ZC3H14: variants seen among roughly 807,000 people sequenced by gnomAD.
The protein encoded by ZC3H14 is zinc finger CCCH-type containing 14, also known as zinc finger CCCH domain-containing protein 14.
In ZC3H14, 31 loss-of-function variants were observed where a neutral mutation model predicts 92.4. The ratio of observed to expected loss-of-function variants is 0.34; its 90% CI spans 0.25 to 0.45. The LOEUF is 0.45. Among genes scored for constraint, ZC3H14 ranks in the 20% least tolerant of loss-of-function variants. The pLI is 1.00. For missense variants in ZC3H14, 781 were observed against 897.3 expected, an observed-to-expected ratio of 0.87 and a Z score of 1.66; for synonymous variants, 321 against 300.9, an observed-to-expected ratio of 1.07 and a Z score of -0.69.
chr14:88,620,996 TTTC>T lies in ZC3H14; in HGVS notation c.*9246_*9248del. The T allele has an allele frequency of 6.8e-7, 1 of 1,470,366 alleles. No homozygotes were observed. Among genetic ancestry groups the T allele is most frequent in the Non-Finnish European group, 9.0e-7 (1 of 1,112,438 alleles). 91.1% of individuals were successfully genotyped at this position (1,470,366 alleles called of 1,614,324 possible). On this transcript the variant is annotated 3_prime_UTR_variant, in exon 17 of 17. Transcript: ENST00000251038. This position sits in a 1 kb window ranked among gnomAD's most constrained non-coding sequence, Gnocchi z 4.3. The stretch of plus-strand genomic sequence containing the variant: ...GTGAAGTACTTCTAAATTATACCAG[TTTC>T]CCCTCAAAATGCTCAACAGAATTCT...
chr14:88,602,725 C>T (rs1242102136), intron 11 of ZC3H14, 103 bp from the exon 12 acceptor site: 15 of 1,264,666 alleles, frequency 1.2e-5, no homozygotes, highest in Middle Eastern at 2.5e-4. Context: ...TTGAACCAAA[C>T]GCAAAGCCAA....
Position 88,620,910 on chromosome 14 carries a change from A to C in ZC3H14, c.*9159A>C, listed in dbSNP as rs1595207591. The C allele has an allele frequency of 1.3e-6, 2 of 1,507,322 alleles. No homozygotes were observed. The highest frequency in any genetic ancestry group is 1.8e-6 in the Non-Finnish European group (2 of 1,135,272). 93.4% of individuals were successfully genotyped at this position (1,507,322 alleles called of 1,614,324 possible). A position where few individuals can be genotyped will look rare whatever the true frequency, so the allele number is the denominator to read the frequency against. ...AGTACGAGCAGCATGTCCCAAATTC[A>C]CTTTGTTTAACATCTTCTGCATTTA... On this transcript the variant is annotated 3_prime_UTR_variant, in exon 17 of 17. Coordinates refer to ENST00000251038, the MANE Select transcript of ZC3H14 (RefSeq NM_024824.5). This position sits in a 1 kb window ranked among gnomAD's most constrained non-coding sequence, Gnocchi z 4.3.
intron 2 of ZC3H14, among the ~76,000 whole-genome samples, chr14:88,564,947 C>T (rs768978961): frequency 6.6e-6 from 1 of 152,126 alleles, no homozygotes; most frequent in Non-Finnish European, 1.5e-5. Context: ...TGGTTACATA[C>T]ACTAGGATAT....
chr14:88,575,519 T>A (rs1283071898), intron 7 of ZC3H14, among the ~76,000 whole-genome samples: 2 of 152,002 alleles, frequency 1.3e-5, no homozygotes, highest in African/African-American at 4.8e-5. Context: ...GTAATGAGTC[T>A]TTGTCTCTTA....
intron 9 of ZC3H14, among the ~76,000 whole-genome samples, chr14:88,584,630 A>G (rs993711848): frequency 6.6e-6 from 1 of 152,180 alleles, no homozygotes; most frequent in Non-Finnish European, 1.5e-5. Flanking sequence ...AGGTGTTTTG[A>G]GTGTCCACTT....
At chr14:88,597,956 C>T (rs2084072456) in intron 10 of ZC3H14, among the ~76,000 whole-genome samples, 1 of 151,998 alleles carries the variant, frequency 6.6e-6, no homozygotes, top group South Asian at 2.1e-4. Flanking sequence ...TTCTAAGATC[C>T]CTTTGTTTCT....
rs1175205995 is a variant in ZC3H14 at position 88,623,069 on chromosome 14, G to A, written c.*11318G>A. The A allele has an allele frequency of 1.9e-5, 3 of 153,964 alleles. No homozygotes were observed. Among genetic ancestry groups the A allele is most frequent in the Non-Finnish European group, 2.8e-5 (2 of 72,142 alleles). The allele number at this position is 153,964 out of a possible 1,614,324, so 9.5% of individuals were successfully genotyped here. A position where few individuals can be genotyped will look rare whatever the true frequency, so the allele number is the denominator to read the frequency against. Reference sequence around the variant, plus strand: ...CTCGCTCTGTCTCCCAGGCTTGAGTGCAGTGGCATGATCTAGGCTTATTGC... The same window carrying A: ...CTCGCTCTGTCTCCCAGGCTTGAGTACAGTGGCATGATCTAGGCTTATTGC... On this transcript the variant is annotated 3_prime_UTR_variant, in exon 17 of 17. Coordinates refer to ENST00000251038, the MANE Select transcript of ZC3H14 (RefSeq NM_024824.5).
At chr14:88,565,181 G>T (rs925834774) in intron 2 of ZC3H14, among the ~76,000 whole-genome samples, 13 of 152,174 alleles carry the variant, frequency 8.5e-5, no homozygotes, top group Middle Eastern at 3.4e-3. Flanking sequence ...TTCACTCGTT[G>T]CCCAGGCTGG....
chr14:88,617,078 T>A lies in ZC3H14; in HGVS notation c.*5327T>A. 1 of 460,072 alleles carries A rather than the reference T, an allele frequency of 2.2e-6. No individual in the cohort carries two copies. Among genetic ancestry groups the A allele is most frequent in the Non-Finnish European group, 3.9e-6 (1 of 259,214 alleles). The allele number at this position is 460,072 out of a possible 1,614,324, so 28.5% of individuals were successfully genotyped here. A position where few individuals can be genotyped will look rare whatever the true frequency, so the allele number is the denominator to read the frequency against. ...GCCTTTTAAAAATGACATTTTATAA[T>A]TTGAAGGGTTTCTAGATTAATCTTT... is the stretch of plus-strand genomic sequence containing the variant. On this transcript the variant is annotated 3_prime_UTR_variant, in exon 17 of 17. Coordinates refer to ENST00000251038, the MANE Select transcript of ZC3H14 (RefSeq NM_024824.5).
chr14:88,621,608 G>A lies in ZC3H14; in HGVS notation c.*9857G>A. 1 of 409,186 alleles carries A rather than the reference G, an allele frequency of 2.4e-6. No homozygotes were observed. The highest frequency in any genetic ancestry group is 4.4e-6 in the Non-Finnish European group (1 of 225,922). 25.3% of individuals were successfully genotyped at this position (409,186 alleles called of 1,614,324 possible). A position where few individuals can be genotyped will look rare whatever the true frequency, so the allele number is the denominator to read the frequency against. On this transcript the variant is annotated 3_prime_UTR_variant, in exon 17 of 17. Coordinates refer to ENST00000251038, the MANE Select transcript of ZC3H14 (RefSeq NM_024824.5). ...ATAATCTTAGGATTTCCAAACTGGG[G>A]TCAGTGCAGTGGGATATAGGAAAAA...
At position 88,605,348 on chromosome 14, in the gene ZC3H14, T is replaced by G. The variant is rs2085225717; in HGVS notation, c.1748-1895T>G. Among the ~76,000 whole-genome samples the G allele has an allele frequency of 2.0e-5, 3 of 152,208 alleles. No homozygotes were observed. The South Asian group carries it at 6.2e-4, about 32-fold the overall frequency. On this transcript the variant is annotated intron_variant, in intron 12 of 16. Coordinates refer to ENST00000251038, the MANE Select transcript of ZC3H14 (RefSeq NM_024824.5). The stretch of plus-strand genomic sequence containing the variant: ...TAAAATGACTTATACTGTTTTGTTT[T>G]TAGAAAGGGTATCCCTCCTGTTGCC...
intron 2 of ZC3H14, among the ~76,000 whole-genome samples, chr14:88,565,438 G>T (rs1251673698): frequency 2.0e-5 from 3 of 152,120 alleles, no homozygotes; most frequent in African/African-American, 7.2e-5. Context: ...ACTGCATCCG[G>T]CCAACTCAAT....
chr14:88,615,672 A>C lies in ZC3H14; in HGVS notation c.*3921A>C. On this transcript the variant is annotated 3_prime_UTR_variant, in exon 17 of 17. Transcript: ENST00000251038. ...ATATAGCAAATATTTTGAACAGATC[A>C]GTCTTTCACTATTTTGATGATTCTG... The C allele has an allele frequency of 1.4e-6, 1 of 694,880 alleles. No homozygotes were observed. The highest frequency in any genetic ancestry group is 2.4e-6 in the Non-Finnish European group (1 of 414,328). 43.0% of individuals were successfully genotyped at this position (694,880 alleles called of 1,614,324 possible).
chr14:88,603,010 T>C lies in ZC3H14; in HGVS notation c.1697T>C (p.Leu566Ser). 6.2e-7 allele frequency: 1 copy of C among 1,614,212 alleles called. No individual in the cohort carries two copies. Among genetic ancestry groups the C allele is most frequent in the Non-Finnish European group, 8.5e-7 (1 of 1,180,042 alleles). ...GLRGLLHPQQ[L>S]HLLSRQLEDP... ...AGAGGTCTCCTCCACCCACAGCAGT[T>C]GCACTTGCTGAGCAGGCAGCTTGAG... is the stretch of plus-strand genomic sequence containing the variant. The change falls in exon 12 of 17, where the codon TTG becomes TCG. Residue 566 changes from leucine (L) to serine (S), a missense_variant. Physicochemically the swap from Leu to Ser is moderately radical, Grantham distance 145 (BLOSUM62 -2). This residue lies in a region of ZC3H14 where 221 missense variants were observed against 304.7 expected (regional missense o/e 0.73). Coordinates refer to ENST00000251038, the MANE Select transcript of ZC3H14 (RefSeq NM_024824.5).
At chr14:88,576,056 A>G in intron 8 of ZC3H14, 116 bp downstream of exon 8, 4 of 890,308 alleles carry the variant, frequency 4.5e-6, no homozygotes, top group Non-Finnish European at 7.0e-6. Flanking sequence ...TGTCAAGACC[A>G]AGATGAGGTT....
At chr14:88,603,698 A>G (rs2084943304) in intron 12 of ZC3H14, among the ~76,000 whole-genome samples, 1 of 152,204 alleles carries the variant, frequency 6.6e-6, no homozygotes, top group African/African-American at 2.4e-5. Context: ...TGTTCCTTAT[A>G]TCTTCTAAAA....
intron 2 of ZC3H14, 90 bp downstream of exon 2, chr14:88,563,783 G>A (rs1392124155): frequency 1.6e-6 from 2 of 1,252,346 alleles, no homozygotes; most frequent in African/African-American, 1.5e-5. Context: ...CCGTACTTTG[G>A]ACATTGGGAG....
In ZC3H14 at chr14:88,574,787, A is replaced by G. The variant is rs1487293579; in HGVS notation, c.956A>G (p.Asp319Gly). 6.2e-7 allele frequency: 1 copy of G among 1,614,202 alleles called. No homozygotes were observed. Among genetic ancestry groups the G allele is most frequent in the East Asian group, 2.2e-5 (1 of 44,874 alleles). The change falls in exon 7 of 17, where the codon GAT becomes GGT. Residue 319 changes from aspartate to glycine, a missense_variant. This residue lies in a region of ZC3H14 where 454 missense variants were observed against 438.5 expected (regional missense o/e 1.04). Transcript: ENST00000251038. ...GATGGAGAAGAGGAGGAAGAAGATG[A>G]TGATTACGGGTCTCGAACAGGAAGC... is the stretch of plus-strand genomic sequence containing the variant. ...NHDGEEEEED[D>G]DYGSRTGSIS... is the part of the protein sequence containing the mutation.
chr14:88,611,502 A>C (rs977165325), intron 16 of ZC3H14, among the ~76,000 whole-genome samples: 1 of 152,190 alleles, frequency 6.6e-6, no homozygotes, highest in Non-Finnish European at 1.5e-5. Flanking sequence ...CGACATTAGC[A>C]ACTGGGAGAT....
Sources: gnomAD v4.1 joint callset for allele counts (sites outside exome capture counted in the v4.1 genomes callset) on GRCh38, gnomAD v4.1.1 for gene constraint, gnomAD v4.1.1 regional missense constraint, Gnocchi (gnomAD v3.1) non-coding constraint, MANE v1.5 for transcripts, NCBI Gene and HGNC (gene_info 2026-07-23, HGNC 2026-07-21) for gene names.